Variants in PLCE1 observed in about 807,000 individuals in gnomAD.
PLCE1 encodes the protein 1-phosphatidylinositol 4,5-bisphosphate phosphodiesterase epsilon-1.
A neutral mutation model predicts 242.8 loss-of-function variants in PLCE1; 119 were observed. The ratio of observed to expected loss-of-function variants is 0.49; its 90% CI spans 0.42 to 0.57. PLCE1 has a LOEUF of 0.57. Ranked by LOEUF, PLCE1 falls within the 20% of genes least tolerant of loss-of-function variation. PLCE1 has a pLI of 0.00. For synonymous variants in PLCE1, 945 were observed against 1,017.4 expected (o/e 0.93, Z 1.35); for missense variants, 2,441 against 2,788.8 (o/e 0.88, Z 2.81).
At chr10:94,199,672 C>T (rs2048933492) in intron 4 of PLCE1, among the ~76,000 whole-genome samples, 1 of 152,186 alleles carries the variant, frequency 6.6e-6, no homozygotes, top group African/African-American at 2.4e-5. Flanking sequence ...TGTTTTGGCT[C>T]CAGTTTTTGA....
intron 1 of PLCE1, among the ~76,000 whole-genome samples, chr10:94,029,415 TC>T (rs761104773): frequency 4.6e-4 from 70 of 152,158 alleles, no homozygotes; most frequent in Non-Finnish European, 7.3e-4. Context: ...ACCAACATTA[TC>T]TGGTATTTGC....
intron 2 of PLCE1, among the ~76,000 whole-genome samples, chr10:94,054,110 G>A (rs76527799): frequency 0.011 from 1,691 of 152,124 alleles, 35 homozygotes; most frequent in African/African-American, 0.037. Flanking sequence ...CTTCTGTCAC[G>A]GCAATTAAAG....
chr10:94,266,994 G>A (rs1245901315), intron 16 of PLCE1, among the ~76,000 whole-genome samples: 5 of 152,136 alleles, frequency 3.3e-5, no homozygotes, highest in East Asian at 3.9e-4. Flanking sequence ...GGTGCCATAC[G>A]CTGCCCCATT....
chr10:94,270,045 G>A (rs115440842), intron 17 of PLCE1, among the ~76,000 whole-genome samples: 1,916 of 152,266 alleles, frequency 0.013, 42 homozygotes, highest in African/African-American at 0.042. Flanking sequence ...ATATTGGCAT[G>A]GGCATGAGTT....
At chr10:94,204,770 G>GGAAA (rs1411653469) in intron 4 of PLCE1, among the ~76,000 whole-genome samples, 4 of 118,724 alleles carry the variant, frequency 3.4e-5, no homozygotes, top group Non-Finnish European at 7.4e-5. Context: ...AAGGAAGGAA[G>GGAAA]GAAGGAAGGA....
At position 94,255,100 on chromosome 10, in the gene PLCE1, G is replaced by T. The variant is rs1458587218; in HGVS notation, c.3554+51G>T. ...AAGGACCCTTCACATTATTCCAGTTGTGTGGAAGGGCATATCTTTACAGTT... is the reference window on the plus strand; with the variant it reads ...AAGGACCCTTCACATTATTCCAGTTTTGTGGAAGGGCATATCTTTACAGTT... On this transcript the variant is annotated intron_variant, in intron 11 of 32. Coordinates refer to ENST00000371380, the MANE Select transcript of PLCE1 (RefSeq NM_016341.4). 4.5e-6 allele frequency: 7 copies of T among 1,561,916 alleles called. No homozygotes were observed. In the Admixed American group the frequency reaches 1.2e-4, roughly 26 times the overall value.
chr10:94,153,897 A>G (rs1297769383), intron 3 of PLCE1, among the ~76,000 whole-genome samples: 1 of 152,240 alleles, frequency 6.6e-6, no homozygotes, highest in Non-Finnish European at 1.5e-5. Flanking sequence ...ATGGAAAGAC[A>G]TCCTGTATTC....
Position 94,298,552 on chromosome 10 carries a change from G to A in PLCE1, c.5341G>A (p.Ala1781Thr), listed in dbSNP as rs184878324. The A allele has an allele frequency of 1.2e-5, 20 of 1,613,998 alleles. No individual in the cohort carries two copies. The highest frequency in any genetic ancestry group is 1.6e-4 in the Middle Eastern group (1 of 6,062). Reference sequence around the variant, plus strand: ...TTCTCAGAAACTGACCCAGCACACCGCCTGTCAGCTGCTGAGAACTTACCC... The same window carrying A: ...TTCTCAGAAACTGACCCAGCACACCACCTGTCAGCTGCTGAGAACTTACCC... ...RYSQKLTQHT[A>T]CQLLRTYPAA... The change falls in exon 24 of 33, where the codon GCC (alanine) becomes ACC (threonine). Residue 1781 changes from alanine (A) to threonine (T), a missense_variant. By Grantham distance (58) the Ala-to-Thr change is moderately conservative (BLOSUM62 0). Coordinates refer to ENST00000371380, the MANE Select transcript of PLCE1 (RefSeq NM_016341.4). This position sits in a 1 kb window ranked among gnomAD's most constrained non-coding sequence, Gnocchi z 5.2.
chr10:94,090,205 T>A (rs1176401679), intron 2 of PLCE1, among the ~76,000 whole-genome samples: 19 of 152,086 alleles, frequency 1.2e-4, no homozygotes, highest in Admixed American at 1.0e-3. Flanking sequence ...TAACCCAGAA[T>A]AAAACTTGAA....
Position 94,227,066 on chromosome 10 carries a change from G to A in PLCE1, c.1810-240G>A, listed in dbSNP as rs112310138. On this transcript the variant is annotated intron_variant, in intron 4 of 32. Transcript: ENST00000371380. ...TAATTTTTGTATTTTTAGTAGAAAC[G>A]GGCTTTCACCACGCTGGCCAGGCTG... 186 of 426,586 alleles carry A rather than the reference G, an allele frequency of 4.4e-4. 1 individual carries two copies. Among genetic ancestry groups the A allele is most frequent in the African/African-American group, 3.1e-3 (153 of 49,198 alleles). The allele number at this position is 426,586 out of a possible 1,614,324, so 26.4% of individuals were successfully genotyped here.
At chr10:94,124,119 G>A (rs1489504500) in intron 2 of PLCE1, among the ~76,000 whole-genome samples, 1 of 152,040 alleles carries the variant, frequency 6.6e-6, no homozygotes, top group Non-Finnish European at 1.5e-5. Flanking sequence ...TATGATATAG[G>A]GTAAAATCCC....
At chr10:94,222,705 TTGTGTGCCAGAGTATGTATACCTCAGGCC>T (rs1194697585) in intron 4 of PLCE1, among the ~76,000 whole-genome samples, 1 of 152,174 alleles carries the variant, frequency 6.6e-6, no homozygotes, top group Non-Finnish European at 1.5e-5. Flanking sequence ...CCATCCTGGC[TTGTGTGCCAGAGTATGTATACCTCAGGCC>T]TCAAGTTCAA....
chr10:94,038,556 C>T (rs953747888), intron 2 of PLCE1, among the ~76,000 whole-genome samples: 1 of 152,142 alleles, frequency 6.6e-6, no homozygotes, highest in African/African-American at 2.4e-5. Context: ...CTCCTCAAAC[C>T]CTGAGAAAGC....
chr10:94,293,391 C>T (rs1031698954), intron 22 of PLCE1, 117 bp from the exon 23 acceptor site: 64 of 1,140,882 alleles, frequency 5.6e-5, no homozygotes, highest in Non-Finnish European at 7.5e-5. Context: ...AGTAGGGTTT[C>T]TGTACTAGGT....
intron 1 of PLCE1, among the ~76,000 whole-genome samples, chr10:94,013,487 A>T (rs1445375178): frequency 6.6e-6 from 1 of 152,206 alleles, no homozygotes; most frequent in African/African-American, 2.4e-5. Context: ...CCTACAAATC[A>T]CCTTGTGAGG....
At chr10:94,307,361 A>G (rs1308863561) in intron 26 of PLCE1, among the ~76,000 whole-genome samples, 1 of 152,118 alleles carries the variant, frequency 6.6e-6, no homozygotes, top group East Asian at 1.9e-4. Context: ...TTGAGCACCA[A>G]TATTCTAAGT....
At chr10:94,122,015 G>A (rs1387236830) in intron 2 of PLCE1, among the ~76,000 whole-genome samples, 1 of 152,146 alleles carries the variant, frequency 6.6e-6, no homozygotes, top group African/African-American at 2.4e-5. Flanking sequence ...GGCACAGGAA[G>A]CAAAAAGCCT....
chr10:94,210,050 A>G (rs2049282074), intron 4 of PLCE1, among the ~76,000 whole-genome samples: 3 of 152,140 alleles, frequency 2.0e-5, no homozygotes, highest in Admixed American at 6.5e-5. Context: ...CTACGCATCT[A>G]GTACAGAATA....
chr10:94,015,384 T>C (rs1050916309), intron 1 of PLCE1, among the ~76,000 whole-genome samples: 1 of 152,230 alleles, frequency 6.6e-6, no homozygotes, highest in Non-Finnish European at 1.5e-5. Context: ...AATGCTTTTC[T>C]TGAAAAATCT....
Sources: gnomAD v4.1 joint callset for allele counts (sites outside exome capture counted in the v4.1 genomes callset) on GRCh38, gnomAD v4.1.1 for gene constraint, Gnocchi (gnomAD v3.1) non-coding constraint, MANE v1.5 for transcripts, NCBI Gene and HGNC (gene_info 2026-07-23, HGNC 2026-07-21) for gene names.